MED18: variants seen among roughly 807,000 people sequenced by gnomAD.
MED18 encodes mediator of RNA polymerase II transcription subunit 18.
In MED18, 10 loss-of-function variants were observed where a neutral mutation model predicts 13.9. The observed-to-expected ratio is 0.72, with a 90% confidence interval of 0.44 to 1.22. The LOEUF (loss-of-function observed/expected upper bound fraction) is 1.22. Among genes scored for constraint, MED18 ranks in the 50% most tolerant of loss-of-function variants. The pLI, the probability that MED18 is intolerant of heterozygous loss-of-function variation, is 0.00. For synonymous variants in MED18, 88 were observed against 93.2 expected (o/e 0.94, Z 0.32); for missense variants, 216 against 279.0 (o/e 0.77, Z 1.61).
rs1479199639 is a variant in MED18 at position 28,329,155 on chromosome 1, C to G, written c.-92C>G. The G allele has an allele frequency of 2.6e-5, 4 of 152,058 alleles. No individual in the cohort carries two copies. In the East Asian group the frequency reaches 7.7e-4, roughly 29 times the overall value. 9.4% of individuals were successfully genotyped at this position (152,058 alleles called of 1,614,324 possible). A position where few individuals can be genotyped will look rare whatever the true frequency, so the allele number is the denominator to read the frequency against. Reference sequence around the variant, plus strand: ...CGGGTGGATATAATTCCCGGCTTCTCGAGAAGACACTACAGCCTCAAGGAG... The same window carrying G: ...CGGGTGGATATAATTCCCGGCTTCTGGAGAAGACACTACAGCCTCAAGGAG... On this transcript the variant is annotated 5_prime_UTR_variant, in exon 1 of 3. Transcript: ENST00000373842.
intron 2 of MED18, among the ~76,000 whole-genome samples, chr1:28,331,099 CAGG>C (rs539857449): frequency 1.5e-4 from 23 of 150,976 alleles, no homozygotes; most frequent in South Asian, 1.0e-3. Context: ...GAGGCTGAGG[CAGG>C]AGAATGGTGT....
At chr1:28,334,197 A>G (rs1649843291) in intron 2 of MED18, among the ~76,000 whole-genome samples, 1 of 152,272 alleles carries the variant, frequency 6.6e-6, no homozygotes, top group South Asian at 2.1e-4. Flanking sequence ...GTAGTGCTAA[A>G]TAAGAAAATT....
chr1:28,329,629 G>C (rs542830083), intron 1 of MED18, among the ~76,000 whole-genome samples: 4 of 152,170 alleles, frequency 2.6e-5, no homozygotes, highest in Middle Eastern at 3.4e-3. Flanking sequence ...GCCGCAGTGT[G>C]GTCTCCCGCC....
rs1557752180 is a variant in MED18 at position 28,329,120 on chromosome 1, C to T, written c.-127C>T. 6.6e-6 allele frequency: 1 copy of T among 152,168 alleles called. No individual in the cohort carries two copies. The highest frequency in any genetic ancestry group is 1.5e-5 in the Non-Finnish European group (1 of 68,086). The allele number at this position is 152,168 out of a possible 1,614,324, so 9.4% of individuals were successfully genotyped here. ...GGTATCTAATCGTCGCTCAAAAGCT[C>T]CTAGGTGCGCGGGTGGATATAATTC... On this transcript the variant is annotated 5_prime_UTR_variant, in exon 1 of 3. Coordinates refer to ENST00000373842, the MANE Select transcript of MED18 (RefSeq NM_017638.3).
At position 28,329,147 on chromosome 1, in the gene MED18, C is replaced by T. The variant is rs1182117714; in HGVS notation, c.-100C>T. 1.3e-5 allele frequency: 2 copies of T among 152,194 alleles called. No individual in the cohort carries two copies. The highest frequency in any genetic ancestry group is 3.8e-4 in the East Asian group (2 of 5,208). The allele number at this position is 152,194 out of a possible 1,614,324, so 9.4% of individuals were successfully genotyped here. ...TAGGTGCGCGGGTGGATATAATTCC[C>T]GGCTTCTCGAGAAGACACTACAGCC... On this transcript the variant is annotated 5_prime_UTR_variant, in exon 1 of 3. Transcript: ENST00000373842.
At chr1:28,332,451 A>G (rs1019203897) in intron 2 of MED18, among the ~76,000 whole-genome samples, 5 of 152,262 alleles carry the variant, frequency 3.3e-5, no homozygotes, top group Non-Finnish European at 5.9e-5. Flanking sequence ...AAAGCAGGAA[A>G]GTGGCTAGAG....
chr1:28,334,540 G>A lies in MED18; in HGVS notation c.197G>A (p.Ser66Asn), dbSNP rs763078460. ...TTCCTCCTTAAGGGCCAGCAAGCCAGCCCATTTGTTCTCAGGGCCCGACGC... is the reference window on the plus strand; with the variant it reads ...TTCCTCCTTAAGGGCCAGCAAGCCAACCCATTTGTTCTCAGGGCCCGACGC... Reference protein sequence around the residue: ...MVFLLKGQQASPFVLRARRSM... With the variant: ...MVFLLKGQQANPFVLRARRSM... Residue 66 changes from serine to asparagine, a missense_variant, in exon 3 of 3, where the codon AGC becomes AAC. Transcript: ENST00000373842. 5 of 1,614,046 alleles carry A rather than the reference G, an allele frequency of 3.1e-6. No homozygotes were observed. In the Admixed American group the frequency reaches 8.3e-5, roughly 27 times the overall value.
intron 2 of MED18, among the ~76,000 whole-genome samples, chr1:28,331,109 G>C (rs1219513213): frequency 6.6e-6 from 1 of 151,408 alleles, no homozygotes; most frequent in Non-Finnish European, 1.5e-5. Context: ...CAGGAGAATG[G>C]TGTGAACCTG....
rs1488720289 is a variant in MED18 at position 28,330,747 on chromosome 1, A to G, written c.73+12A>G. 2 of 1,584,450 alleles carry G rather than the reference A, an allele frequency of 1.3e-6. No individual in the cohort carries two copies. Among genetic ancestry groups the G allele is most frequent in the Non-Finnish European group, 8.6e-7 (1 of 1,167,416 alleles). ...GTACCTGTTGCAGGGTAAGTGAACT[A>G]GGGAACTTGGATTACCTGTTTTCCT... On this transcript the variant is annotated intron_variant, in intron 2 of 2. Transcript: ENST00000373842.
intron 2 of MED18, among the ~76,000 whole-genome samples, chr1:28,332,825 AAG>A (rs1355078204): frequency 3.3e-5 from 5 of 152,156 alleles, no homozygotes; most frequent in Non-Finnish European, 7.4e-5. Flanking sequence ...TCATATGGAG[AAG>A]AGAGGAAGAA....
Position 28,334,934 on chromosome 1 carries a change from T to G in MED18, c.591T>G (p.Val197=). The part of the protein sequence containing the change: ...KNFAEQLKPL[V]HLEKIDPKRL... ...TCGCAGAACAGCTAAAACCTCTGGT[T>G]CACCTAGAGAAAATAGACCCCAAGA... Residue 197 remains valine, a synonymous_variant, in exon 3 of 3, where the codon GTT becomes GTG. Transcript: ENST00000373842. 6.2e-7 allele frequency: 1 copy of G among 1,614,152 alleles called. No individual in the cohort carries two copies. The highest frequency in any genetic ancestry group is 8.5e-7 in the Non-Finnish European group (1 of 1,179,982).
rs1557755072 is a variant in MED18 at position 28,334,889 on chromosome 1, C to A, written c.546C>A (p.Val182=). ...TAGCACCCGCTGGGCAGGACATGGT[C>A]TCTGATGACATGAAGAACTTCGCAG... ...SVVAPAGQDM[V]SDDMKNFAEQ... is the part of the protein sequence containing the mutation. The change falls in exon 3 of 3, where the codon GTC becomes GTA. Residue 182 remains valine, a synonymous_variant. Coordinates refer to ENST00000373842, the MANE Select transcript of MED18 (RefSeq NM_017638.3). 1.2e-6 allele frequency: 2 copies of A among 1,614,118 alleles called. No individual in the cohort carries two copies.
rs771658895 is a variant in MED18 at position 28,329,280 on chromosome 1, CTT to C, written c.-67+122_-67+123del. ...ATAACTTCCCCTTGGCTCTCTCTCT[CTT>C]TTTTTTTTTTTTTTTTTTTTTGAGA... On this transcript the variant is annotated intron_variant, in intron 1 of 2. Transcript: ENST00000373842. 13 of 96,046 alleles carry C rather than the reference CTT, an allele frequency of 1.4e-4. 1 individual carries two copies. The highest frequency in any genetic ancestry group is 2.6e-4 in the Admixed American group (2 of 7,840). 5.9% of individuals were successfully genotyped at this position (96,046 alleles called of 1,614,324 possible). A position where few individuals can be genotyped will look rare whatever the true frequency, so the allele number is the denominator to read the frequency against.
Position 28,330,603 on chromosome 1 carries a change from C to CCCGTG in MED18, c.-57_-53dup. 1 of 1,363,420 alleles carries CCCGTG rather than the reference C, an allele frequency of 7.3e-7. No individual in the cohort carries two copies. Among genetic ancestry groups the CCCGTG allele is most frequent in the East Asian group, 2.4e-5 (1 of 42,082 alleles). 84.5% of individuals were successfully genotyped at this position (1,363,420 alleles called of 1,614,324 possible). On this transcript the variant is annotated 5_prime_UTR_variant, in exon 2 of 3. Transcript: ENST00000373842. Reference sequence around the variant, plus strand: ...CAAGTGAACTCTTTTCCAGGTATATCCCGTGCCTTACCTGACTGGGGGCTC... The same window carrying CCCGTG: ...CAAGTGAACTCTTTTCCAGGTATATCCCGTGCCGTGCCTTACCTGACTGGGGGCTC...
At position 28,334,538 on chromosome 1, in the gene MED18, C is replaced by T. The variant is rs777427764; in HGVS notation, c.195C>T (p.Ala65=). ...TATTCCTCCTTAAGGGCCAGCAAGC[C>T]AGCCCATTTGTTCTCAGGGCCCGAC... ...EMVFLLKGQQ[A]SPFVLRARRS... Residue 65 remains alanine, a synonymous_variant, in exon 3 of 3, where the codon GCC becomes GCT. Transcript: ENST00000373842. 1.9e-6 allele frequency: 3 copies of T among 1,614,180 alleles called. No individual in the cohort carries two copies. The highest frequency in any genetic ancestry group is 1.7e-5 in the Admixed American group (1 of 60,004).
In MED18 at chr1:28,334,501, A is replaced by C. The variant is rs1649857071; in HGVS notation, c.158A>C (p.Asp53Ala). ...AACATGGAACCTGAGACTTTCCTTG[A>C]CCATGAGATGGTATTCCTCCTTAAG... is the stretch of plus-strand genomic sequence containing the variant. ...CDNMEPETFLDHEMVFLLKGQ... is the reference protein window; with the variant it reads ...CDNMEPETFLAHEMVFLLKGQ... Residue 53 changes from aspartate to alanine, a missense_variant, in exon 3 of 3, where the codon GAC becomes GCC. Transcript: ENST00000373842. 1 of 1,614,024 alleles carries C rather than the reference A, an allele frequency of 6.2e-7. No individual in the cohort carries two copies. The highest frequency in any genetic ancestry group is 8.5e-7 in the Non-Finnish European group (1 of 1,180,040).
chr1:28,331,328 A>G (rs1308666767), intron 2 of MED18, among the ~76,000 whole-genome samples: 1 of 151,898 alleles, frequency 6.6e-6, no homozygotes, highest in Non-Finnish European at 1.5e-5. Context: ...ACTTAGTACA[A>G]CTTTTTATTT....
intron 1 of MED18, among the ~76,000 whole-genome samples, chr1:28,329,707 C>T (rs1649644604): frequency 6.6e-6 from 1 of 152,162 alleles, no homozygotes; most frequent in African/African-American, 2.4e-5. Flanking sequence ...GAACTCCCCA[C>T]TGCACTGCAG....
At position 28,329,088 on chromosome 1, in the gene MED18, G is replaced by C. The variant is rs939341845; in HGVS notation, c.-159G>C. On this transcript the variant is annotated 5_prime_UTR_variant, in exon 1 of 3. Coordinates refer to ENST00000373842, the MANE Select transcript of MED18 (RefSeq NM_017638.3). Reference sequence around the variant, plus strand: ...GGGGCTTCCCGGGCTCGGGTAACCGGAGTGCTGGTATCTAATCGTCGCTCA... The same window carrying C: ...GGGGCTTCCCGGGCTCGGGTAACCGCAGTGCTGGTATCTAATCGTCGCTCA... 3.9e-5 allele frequency: 6 copies of C among 152,192 alleles called. No homozygotes were observed. The highest frequency in any genetic ancestry group is 1.2e-4 in the African/African-American group (5 of 41,448). The allele number at this position is 152,192 out of a possible 1,614,324, so 9.4% of individuals were successfully genotyped here. A position where few individuals can be genotyped will look rare whatever the true frequency, so the allele number is the denominator to read the frequency against.
Sources: allele counts gnomAD v4.1 joint callset (sites outside exome capture counted in the v4.1 genomes callset), GRCh38; gene constraint gnomAD v4.1.1; transcripts MANE v1.5; gene names NCBI Gene and HGNC (gene_info 2026-07-23, HGNC 2026-07-21).